The following SHPRH variants were observed in gnomAD, a reference collection of about 807,000 sequenced individuals.
SHPRH encodes E3 ubiquitin-protein ligase SHPRH.
Under a neutral mutation model 202.5 loss-of-function variants are expected in SHPRH, and 106 were observed. The ratio of observed to expected loss-of-function variants is 0.52; its 90% CI spans 0.45 to 0.62. SHPRH has a LOEUF of 0.62. Ranked by LOEUF, SHPRH falls within the 20% of genes least tolerant of loss-of-function variation. The pLI, the probability that SHPRH is intolerant of heterozygous loss-of-function variation, is 0.00. For synonymous variants in SHPRH, 729 were observed against 686.0 expected (o/e 1.06, Z -0.98); for missense variants, 1,710 against 2,020.0 (o/e 0.85, Z 2.94).
intron 14 of SHPRH, 91 bp downstream of exon 14, chr6:145,932,966 C>T (rs971603966): frequency 8.0e-6 from 11 of 1,380,234 alleles, no homozygotes; most frequent in Non-Finnish European, 1.1e-5. Flanking sequence ...GGGAAAAATC[C>T]CCCCCCCAAA....
At chr6:145,948,115 T>C (rs1787588229) in intron 5 of SHPRH, among the ~76,000 whole-genome samples, 157 bp downstream of exon 5, 1 of 152,084 alleles carries the variant, frequency 6.6e-6, no homozygotes, top group Admixed American at 6.6e-5. Context: ...GTGCTATTAA[T>C]TCTAAATCTA....
At position 145,922,303 on chromosome 6, in the gene SHPRH, T is replaced by C. The variant is rs1235169545; in HGVS notation, c.3765A>G (p.Ser1255=). 6.4e-7 allele frequency: 1 copy of C among 1,568,796 alleles called. No individual in the cohort carries two copies. Among genetic ancestry groups the C allele is most frequent in the Admixed American group, 2.1e-5 (1 of 46,680 alleles). ...GAACTTACGTGTTGGAAAATAGCTT[T>C]GATTCATACTCTGTGAACAATTCAT... ...KADELFTEYE[S]KLFSNTVKGQ... The change falls in exon 20 of 30, where the codon TCA becomes TCG. Residue 1255 remains serine, a synonymous_variant. Coordinates refer to ENST00000275233, the MANE Select transcript of SHPRH (RefSeq NM_001042683.3).
intron 5 of SHPRH, among the ~76,000 whole-genome samples, chr6:145,948,027 AAAT>A (rs1235018594): frequency 2.6e-5 from 4 of 152,204 alleles, no homozygotes; most frequent in Non-Finnish European, 5.9e-5. Flanking sequence ...TTTTTACTTT[AAAT>A]AATAATCTCT....
intron 2 of SHPRH, among the ~76,000 whole-genome samples, chr6:145,877,267 C>T (rs1339003050): frequency 6.6e-6 from 1 of 152,224 alleles, no homozygotes; most frequent in Non-Finnish European, 1.5e-5. Context: ...TACCATTTTA[C>T]ATTCCTACCA....
chr6:145,894,115 T>A lies in SHPRH; in HGVS notation c.4695+35A>T, dbSNP rs201708269. 31 of 1,518,356 alleles carry A rather than the reference T, an allele frequency of 2.0e-5. No homozygotes were observed. The African/African-American group carries it at 3.8e-4, about 19-fold the overall frequency. The allele number at this position is 1,518,356 out of a possible 1,614,324, so 94.1% of individuals were successfully genotyped here. The stretch of plus-strand genomic sequence containing the variant: ...ACAGCAGTTTAAATTTGCAACTGTA[T>A]CCACTACAAAAACCGGAGTAAAATC... On this transcript the variant is annotated intron_variant, in intron 27 of 29. Transcript: ENST00000275233.
rs1474415741 is a variant in SHPRH, at chr6:145,947,663, A to G, written c.1062-20T>C. 7 of 1,611,058 alleles carry G rather than the reference A, an allele frequency of 4.3e-6. No homozygotes were observed. The highest frequency in any genetic ancestry group is 5.9e-6 in the Non-Finnish European group (7 of 1,178,420). ...ATGATGCTGAGGAAAAAAACAAGAT[A>G]AATCACATCATAGGAATGTGAATAC... On this transcript the variant is annotated intron_variant, in intron 5 of 29. Transcript: ENST00000275233.
chr6:145,913,456 G>A, intron 24 of SHPRH, 22 bp downstream of exon 24: 1 of 1,588,694 alleles, frequency 6.3e-7, no homozygotes, highest in Admixed American at 1.7e-5. Context: ...ATAAATGCAT[G>A]TGATGTTTAT....
chr6:145,862,438 C>CA (rs1218612511), downstream of SHPRH, among the ~76,000 whole-genome samples: 1 of 130,640 alleles, frequency 7.7e-6, no homozygotes, highest in Admixed American at 7.2e-5. Context: ...CAAAACAAAA[C>CA]AAAAAAACAA....
intron 6 of SHPRH, 40 bp downstream of exon 6, chr6:145,947,451 CAT>C: frequency 6.3e-7 from 1 of 1,598,320 alleles, no homozygotes; most frequent in Non-Finnish European, 8.5e-7. Flanking sequence ...TTTTCGAGAA[CAT>C]ATGTCCCCTG....
At chr6:145,931,307 C>G (rs1340567648) in intron 14 of SHPRH, among the ~76,000 whole-genome samples, 2 of 151,534 alleles carry the variant, frequency 1.3e-5, no homozygotes, top group African/African-American at 4.8e-5. Context: ...GTTTTTTGCA[C>G]CCTTTTTTCT....
At chr6:145,898,680 C>CT (rs1782226159) in intron 25 of SHPRH, among the ~76,000 whole-genome samples, 1 of 152,068 alleles carries the variant, frequency 6.6e-6, no homozygotes, top group African/African-American at 2.4e-5. Context: ...TTTCCTCCTC[C>CT]TTTTTGTTGC....
At chr6:145,913,650 C>A (rs1424784911) in intron 23 of SHPRH, 101 bp from the exon 24 acceptor site, 1 of 842,724 alleles carries the variant, frequency 1.2e-6, no homozygotes, top group Admixed American at 2.7e-5. Flanking sequence ...CTGGCAATTA[C>A]AATTTACATA....
chr6:145,959,182 G>A (rs1036178404), intron 1 of SHPRH, among the ~76,000 whole-genome samples: 4 of 152,094 alleles, frequency 2.6e-5, no homozygotes, highest in Non-Finnish European at 1.5e-5. Context: ...AGTGTACAGT[G>A]TTTACAAAGT....
chr6:145,910,844 T>G (rs190816671), intron 24 of SHPRH, among the ~76,000 whole-genome samples: 13 of 152,272 alleles, frequency 8.5e-5, no homozygotes, highest in Admixed American at 5.9e-4. Context: ...AAAGTGAGTA[T>G]GATAGTCAGT....
intron 29 of SHPRH, 134 bp downstream of exon 29, chr6:145,887,886 A>G (rs1264138014): frequency 1.5e-6 from 1 of 654,048 alleles, no homozygotes; most frequent in Non-Finnish European, 2.7e-6. Flanking sequence ...GTGAAAAGGC[A>G]AAACGTCAGA....
At position 145,954,815 on chromosome 6, in the gene SHPRH, T is replaced by TAC; in HGVS notation, c.506_507dup (p.Ile170ValfsTer18). ...TCCACCAGAATACCCTTGTCACAAA[T>TAC]ACTCATCGGTTCTTTTTTTTGTTTC... is the stretch of plus-strand genomic sequence containing the variant. On this transcript the variant is annotated frameshift_variant, in exon 2 of 30. Coordinates refer to ENST00000275233, the MANE Select transcript of SHPRH (RefSeq NM_001042683.3). LOFTEE classifies it high-confidence loss of function. 6.2e-7 allele frequency: 1 copy of TAC among 1,613,904 alleles called. No homozygotes were observed. The highest frequency in any genetic ancestry group is 8.5e-7 in the Non-Finnish European group (1 of 1,179,884).
chr6:145,939,821 A>G (rs1046010634), intron 11 of SHPRH, among the ~76,000 whole-genome samples: 1 of 152,148 alleles, frequency 6.6e-6, no homozygotes, highest in Non-Finnish European at 1.5e-5. Context: ...ATTGGAAAAC[A>G]CTGCTTTTAA....
chr6:145,899,047 C>T (rs1039857375), intron 25 of SHPRH, among the ~76,000 whole-genome samples: 6 of 152,024 alleles, frequency 3.9e-5, no homozygotes, highest in East Asian at 1.9e-4. Context: ...CTCCTGGCCT[C>T]GAGTGATCCT....
At chr6:145,939,530 T>C (rs1193387161) in intron 11 of SHPRH, among the ~76,000 whole-genome samples, 1 of 152,164 alleles carries the variant, frequency 6.6e-6, no homozygotes, top group Non-Finnish European at 1.5e-5. Context: ...TCATACTCTC[T>C]CAACATTAAA....
Sources: allele counts gnomAD v4.1 joint callset (sites outside exome capture counted in the v4.1 genomes callset), GRCh38; gene constraint gnomAD v4.1.1; transcripts MANE v1.5; gene names NCBI Gene and HGNC (gene_info 2026-07-23, HGNC 2026-07-21).